Variants in NDUFAF6 observed in about 807,000 individuals in gnomAD.
NDUFAF6 encodes NADH:ubiquinone oxidoreductase complex assembly factor 6.
Under a neutral mutation model 40.8 loss-of-function variants are expected in NDUFAF6, and 45 were observed. The ratio of observed to expected loss-of-function variants is 1.10; its 90% CI spans 0.87 to 1.42. NDUFAF6 has a LOEUF of 1.42. Ranked by LOEUF, NDUFAF6 falls within the 40% of genes most tolerant of loss-of-function variation. The probability of loss-of-function intolerance (pLI) is 0.00; values close to 1 mark genes in which losing one functional copy is unlikely to be tolerated. For missense variants in NDUFAF6, 435 were observed against 418.5 expected (o/e 1.04, Z -0.34); for synonymous variants, 185 against 155.9 (o/e 1.19, Z -1.39).
At chr8:95,084,798 C>T (rs561463001) in intron 2 of NDUFAF6, among the ~76,000 whole-genome samples, 7 of 152,298 alleles carry the variant, frequency 4.6e-5, no homozygotes, top group Non-Finnish European at 7.4e-5. Flanking sequence ...GGGTACCTGT[C>T]GTAGGATTTA....
At chr8:95,060,238 T>TA (rs1228005011), downstream of NDUFAF6, among the ~76,000 whole-genome samples, 5 of 152,334 alleles carry the variant, frequency 3.3e-5, no homozygotes, top group Admixed American at 2.6e-4. Context: ...GTGTAAAAGA[T>TA]ACTCCCTTAG....
intron 4 of NDUFAF6, among the ~76,000 whole-genome samples, chr8:95,115,020 C>T (rs1810098632): frequency 6.6e-6 from 1 of 150,594 alleles, no homozygotes; most frequent in Non-Finnish European, 1.5e-5. Flanking sequence ...TGAGATCACA[C>T]CACTGCACTC....
chr8:94,954,468 G>A (rs1342435767), upstream of NDUFAF6, among the ~76,000 whole-genome samples: 1 of 152,186 alleles, frequency 6.6e-6, no homozygotes, highest in Non-Finnish European at 1.5e-5. Flanking sequence ...TCTAGTAGAG[G>A]AGATACAATA....
chr8:94,940,084 G>A, intron 1 of NDUFAF6: 1 of 1,614,212 alleles, frequency 6.2e-7, no homozygotes, highest in Non-Finnish European at 8.5e-7. Flanking sequence ...ACTGGAGAAA[G>A]CAGGAATCAC....
intron 2 of NDUFAF6, among the ~76,000 whole-genome samples, chr8:94,994,423 C>T (rs1301189842): frequency 6.6e-6 from 1 of 151,880 alleles, no homozygotes; most frequent in Non-Finnish European, 1.5e-5. Context: ...TGGTGGCTGG[C>T]ACCTGTATTC....
chr8:95,024,625 G>A (rs1827853678), upstream of NDUFAF6, among the ~76,000 whole-genome samples: 2 of 152,268 alleles, frequency 1.3e-5, no homozygotes, highest in African/African-American at 4.8e-5. Flanking sequence ...CCCCTGTTGA[G>A]AAACAGTGCA....
At chr8:95,006,549 T>A (rs945520440) in intron 2 of NDUFAF6, among the ~76,000 whole-genome samples, 4 of 152,112 alleles carry the variant, frequency 2.6e-5, no homozygotes, top group African/African-American at 9.7e-5. Flanking sequence ...GCTATTGTTA[T>A]AAGTTTACCA....
intron 2 of NDUFAF6, among the ~76,000 whole-genome samples, chr8:94,999,099 T>C (rs979289671): frequency 1.3e-5 from 2 of 151,842 alleles, no homozygotes; most frequent in Non-Finnish European, 2.9e-5. Context: ...TGTACTCCGG[T>C]ATTTTTCTAC....
chr8:95,079,086 C>G (rs1808734380), downstream of NDUFAF6, among the ~76,000 whole-genome samples: 1 of 151,966 alleles, frequency 6.6e-6, no homozygotes. Flanking sequence ...GAAATTCTGT[C>G]TCAGTCTCCC....
rs533568658 is a variant in NDUFAF6 at position 94,910,950 on chromosome 8, G to T, written c.-936+15023G>T. The stretch of plus-strand genomic sequence containing the variant: ...TACCTATGTGGACTTGAAAAGCTGT[G>T]ATACATTCGTAAGTGATAAACATTG... On this transcript the variant is annotated intron_variant, in intron 1 of 14. Coordinates refer to the NDUFAF6 transcript ENST00000396113. Among the ~76,000 whole-genome samples, 129 of 152,292 alleles carry T rather than the reference G, an allele frequency of 8.5e-4. 1 individual carries two copies. The highest frequency in any genetic ancestry group is 2.8e-3 in the African/African-American group (115 of 41,566).
rs559330248 is a variant in NDUFAF6, at chr8:95,008,747, G to A, written c.-83-23248G>A. 5.3e-5 allele frequency among the ~76,000 whole-genome samples: 8 copies of A among 152,216 alleles called. No individual in the cohort carries two copies. The South Asian group carries it at 1.2e-3, about 24-fold the overall frequency. On this transcript the variant is annotated intron_variant, in intron 2 of 9. Coordinates refer to the NDUFAF6 transcript ENST00000396111. ...TGGTCTTGAACTCGTGACCTCAGGTGATCTGCCCCCCTCAGCCTCCCAAAG... is the reference window on the plus strand; with the variant it reads ...TGGTCTTGAACTCGTGACCTCAGGTAATCTGCCCCCCTCAGCCTCCCAAAG...
chr8:95,090,052 G>C (rs1162078592), intron 2 of NDUFAF6, among the ~76,000 whole-genome samples: 2 of 152,094 alleles, frequency 1.3e-5, no homozygotes, highest in African/African-American at 4.8e-5. Flanking sequence ...GCAAGAGGTG[G>C]GAGGGACAGT....
intron 1 of NDUFAF6, among the ~76,000 whole-genome samples, chr8:94,922,698 C>T (rs145596585): frequency 4.5e-4 from 68 of 152,108 alleles, no homozygotes; most frequent in Non-Finnish European, 8.7e-4. Flanking sequence ...AGGCTGGTCT[C>T]GAACTCCTGA....
At chr8:95,014,738 T>G (rs1405110985) in intron 2 of NDUFAF6, among the ~76,000 whole-genome samples, 1 of 152,200 alleles carries the variant, frequency 6.6e-6, no homozygotes, top group Non-Finnish European at 1.5e-5. Context: ...TATGAATACT[T>G]TAGGCACAGC....
At chr8:95,003,853 G>A (rs142396944) in intron 2 of NDUFAF6, among the ~76,000 whole-genome samples, 1 of 152,242 alleles carries the variant, frequency 6.6e-6, no homozygotes, top group African/African-American at 2.4e-5. Context: ...CAATTCACTG[G>A]CATTAATTAC....
chr8:95,042,395 A>C (rs770312454), intron 4 of NDUFAF6, among the ~76,000 whole-genome samples: 4 of 152,242 alleles, frequency 2.6e-5, no homozygotes, highest in Non-Finnish European at 5.9e-5. Flanking sequence ...TAACAAGAAG[A>C]AGCCAAAAAG....
Position 95,045,650 on chromosome 8 carries a change from A to G in NDUFAF6, c.580+3A>G, listed in dbSNP as rs1214966539. The G allele has an allele frequency of 6.2e-7, 1 of 1,606,966 alleles. No homozygotes were observed. Among genetic ancestry groups the G allele is most frequent in the Non-Finnish European group, 8.5e-7 (1 of 1,174,006 alleles). On this transcript the variant is annotated splice_donor_region_variant and intron_variant, in intron 5 of 8. Coordinates refer to ENST00000396124, the MANE Select transcript of NDUFAF6 (RefSeq NM_152416.4). ...TTACTTAACACTAGAAATATTGGGT[A>G]AGTTGTTTTTCTGTTTCATACTTCT...
At chr8:95,105,853 C>A (rs1481700589), downstream of NDUFAF6, among the ~76,000 whole-genome samples, 21 of 152,124 alleles carry the variant, frequency 1.4e-4, 1 homozygote, top group Admixed American at 1.4e-3. Context: ...CCAGGCTGGT[C>A]TTGAACTGCT....
At chr8:95,010,372 C>T (rs1827177375) in intron 2 of NDUFAF6, among the ~76,000 whole-genome samples, 1 of 152,126 alleles carries the variant, frequency 6.6e-6, no homozygotes, top group Non-Finnish European at 1.5e-5. Flanking sequence ...CAGGTGTGAG[C>T]CACTGCACCT....
Sources: gnomAD v4.1 joint callset for allele counts (sites outside exome capture counted in the v4.1 genomes callset) on GRCh38, gnomAD v4.1.1 for gene constraint, MANE v1.5 for transcripts, NCBI Gene and HGNC (gene_info 2026-07-23, HGNC 2026-07-21) for gene names.